The following SDC2 variants were observed in gnomAD, a reference collection of about 807,000 sequenced individuals.
SDC2 encodes the protein syndecan-2.
Under a neutral mutation model 22.2 loss-of-function variants are expected in SDC2, and 13 were observed. The ratio of observed to expected loss-of-function variants is 0.59; its 90% CI spans 0.38 to 0.93. The LOEUF (loss-of-function observed/expected upper bound fraction) is 0.93, where lower values mean the gene tolerates loss of function less well. SDC2 is among the 40% of genes least tolerant of loss of function. The probability of loss-of-function intolerance (pLI) is 0.00; values close to 1 mark genes in which losing one functional copy is unlikely to be tolerated. For missense variants in SDC2, 235 were observed against 246.8 expected, an observed-to-expected ratio of 0.95 and a Z score of 0.32; for synonymous variants, 94 against 92.8, an observed-to-expected ratio of 1.01 and a Z score of -0.07.
intron 1 of SDC2, among the ~76,000 whole-genome samples, chr8:96,550,018 T>C (rs1814001232): frequency 6.6e-6 from 1 of 152,198 alleles, no homozygotes; most frequent in African/African-American, 2.4e-5. Context: ...TCCTTGGTGG[T>C]GTATAGTACT....
intron 2 of SDC2, among the ~76,000 whole-genome samples, chr8:96,600,970 G>T (rs1201316519): frequency 1.3e-5 from 2 of 152,178 alleles, no homozygotes; most frequent in Non-Finnish European, 2.9e-5. Context: ...TGTAGAGGAA[G>T]AAGAGGCCTA....
At chr8:96,551,117 T>C (rs1016518403) in intron 1 of SDC2, among the ~76,000 whole-genome samples, 1 of 152,144 alleles carries the variant, frequency 6.6e-6, no homozygotes, top group Non-Finnish European at 1.5e-5. Context: ...TTCTGCCTGG[T>C]TCAAGCATCA....
intron 1 of SDC2, among the ~76,000 whole-genome samples, chr8:96,562,458 G>T (rs116023080): frequency 3.3e-5 from 5 of 152,266 alleles, no homozygotes; most frequent in African/African-American, 9.6e-5. Flanking sequence ...CCAGGGAGTT[G>T]GCATGGAGTC....
intron 1 of SDC2, among the ~76,000 whole-genome samples, chr8:96,539,371 A>G (rs1353887851): frequency 6.6e-6 from 1 of 152,134 alleles, no homozygotes; most frequent in Non-Finnish European, 1.5e-5. Context: ...TCTCGACTAG[A>G]TTTTGTGCTT....
intron 1 of SDC2, among the ~76,000 whole-genome samples, chr8:96,552,556 G>A (rs1411890704): frequency 6.6e-6 from 1 of 152,094 alleles, no homozygotes; most frequent in Non-Finnish European, 1.5e-5. Flanking sequence ...CGCAAGTAAG[G>A]ATTTACTCTG....
At chr8:96,542,278 T>C (rs1813863172) in intron 1 of SDC2, among the ~76,000 whole-genome samples, 1 of 152,188 alleles carries the variant, frequency 6.6e-6, no homozygotes, top group African/African-American at 2.4e-5. Flanking sequence ...AGGCCTTTAT[T>C]TGATGTGCAT....
chr8:96,576,379 G>GTTTTTTT (rs1365620450), intron 1 of SDC2, among the ~76,000 whole-genome samples: 15 of 47,570 alleles, frequency 3.2e-4, no homozygotes, highest in Non-Finnish European at 5.1e-4. Context: ...TTTTTGTTTT[G>GTTTTTTT]TTTTGTTTTT....
chr8:96,540,355 T>TATATATATATATATATATAA (rs1273342675), intron 1 of SDC2, among the ~76,000 whole-genome samples: 1 of 147,154 alleles, frequency 6.8e-6, no homozygotes, highest in Non-Finnish European at 1.5e-5. Flanking sequence ...TATATATATA[T>TATATATATATATATATATAA]AAAAATTAGT....
At chr8:96,530,230 A>G (rs535269621) in intron 1 of SDC2, among the ~76,000 whole-genome samples, 13 of 152,326 alleles carry the variant, frequency 8.5e-5, no homozygotes, top group African/African-American at 2.9e-4. Flanking sequence ...TAGAAAACTA[A>G]TTGTCATTAT....
At chr8:96,550,894 AT>A (rs1004849067) in intron 1 of SDC2, among the ~76,000 whole-genome samples, 1 of 151,828 alleles carries the variant, frequency 6.6e-6, no homozygotes, top group African/African-American at 2.4e-5. Context: ...GGGTGTCCTG[AT>A]TTTTTTCTAG....
chr8:96,541,482 G>A (rs188663975), intron 1 of SDC2, among the ~76,000 whole-genome samples: 19 of 139,648 alleles, frequency 1.4e-4, no homozygotes, highest in African/African-American at 4.0e-4. Flanking sequence ...ACTCCAGCCC[G>A]GTGACAGAGC....
At chr8:96,545,988 A>G (rs1411345123) in intron 1 of SDC2, among the ~76,000 whole-genome samples, 1 of 152,234 alleles carries the variant, frequency 6.6e-6, no homozygotes. Flanking sequence ...GCGAGGCAAC[A>G]GCAGTCAGGC....
At chr8:96,495,462 T>C (rs1305643567) in intron 1 of SDC2, among the ~76,000 whole-genome samples, 2 of 152,198 alleles carry the variant, frequency 1.3e-5, no homozygotes. Flanking sequence ...TCGGGCCAGG[T>C]GGAAGCTTGA....
Position 96,494,141 on chromosome 8 carries a change from G to A in SDC2, c.-131G>A. The A allele has an allele frequency of 6.4e-6, 6 of 938,768 alleles. No homozygotes were observed. The highest frequency in any genetic ancestry group is 9.3e-6 in the Non-Finnish European group (6 of 647,744). 58.2% of individuals were successfully genotyped at this position (938,768 alleles called of 1,614,324 possible). ...CCCCGAGCCCCGAGCCCGAGTCCCC[G>A]AGCCTGAGCCGCAATCGCTGCGGTA... is the stretch of plus-strand genomic sequence containing the variant. On this transcript the variant is annotated 5_prime_UTR_variant, in exon 1 of 5. Coordinates refer to ENST00000302190, the MANE Select transcript of SDC2 (RefSeq NM_002998.4).
chr8:96,594,516 G>A (rs1452177068), intron 2 of SDC2, among the ~76,000 whole-genome samples: 1 of 152,180 alleles, frequency 6.6e-6, no homozygotes, highest in Non-Finnish European at 1.5e-5. Context: ...ACTGGTTGAA[G>A]CAAGTCAGAA....
At chr8:96,585,891 T>G (rs376010548) in intron 1 of SDC2, among the ~76,000 whole-genome samples, 26 of 142,182 alleles carry the variant, frequency 1.8e-4, no homozygotes, top group African/African-American at 6.8e-4. Context: ...TTGGTGGGGG[T>G]CGCAGTTAAT....
chr8:96,603,721 G>A (rs895280803), intron 3 of SDC2, among the ~76,000 whole-genome samples: 1 of 152,104 alleles, frequency 6.6e-6, no homozygotes, highest in Non-Finnish European at 1.5e-5. Flanking sequence ...GAATGGCACC[G>A]CTGGATGGGT....
intron 1 of SDC2, among the ~76,000 whole-genome samples, chr8:96,503,493 T>A (rs1813196099): frequency 6.6e-6 from 1 of 152,162 alleles, no homozygotes; most frequent in South Asian, 2.1e-4. Flanking sequence ...AATGTATATA[T>A]ACAAATCCAT....
intron 2 of SDC2, among the ~76,000 whole-genome samples, chr8:96,602,110 A>T (rs1814998779): frequency 6.6e-6 from 1 of 151,364 alleles, no homozygotes; most frequent in Non-Finnish European, 1.5e-5. Context: ...ATGGGAAAAA[A>T]TCTTGTCAAG....
Sources: gnomAD v4.1 joint callset for allele counts (sites outside exome capture counted in the v4.1 genomes callset) on GRCh38, gnomAD v4.1.1 for gene constraint, MANE v1.5 for transcripts, NCBI Gene and HGNC (gene_info 2026-07-23, HGNC 2026-07-21) for gene names.